ANO4: variants seen among roughly 807,000 people sequenced by gnomAD.
ANO4 encodes anoctamin-4.
ANO4 carries 69 observed loss-of-function variants against 141.9 expected under a neutral mutation model. The observed-to-expected ratio is 0.49, with a 90% CI of 0.40 to 0.59. The LOEUF is 0.59. Among genes scored for constraint, ANO4 ranks in the 20% least tolerant of loss-of-function variants. The probability of loss-of-function intolerance (pLI) is 0.00; values close to 1 mark genes in which losing one functional copy is unlikely to be tolerated. For synonymous variants in ANO4, 350 were observed against 394.3 expected (o/e 0.89, Z 1.33); for missense variants, 894 against 1,162.2 (o/e 0.77, Z 3.36).
chr12:101,033,271 A>G (rs1242811597), intron 9 of ANO4, among the ~76,000 whole-genome samples: 2 of 151,708 alleles, frequency 1.3e-5, no homozygotes, highest in Non-Finnish European at 2.9e-5. Context: ...GAACAATGAG[A>G]ACACATGGAC....
At chr12:100,998,102 G>A (rs2045470499) in intron 8 of ANO4, among the ~76,000 whole-genome samples, 1 of 152,206 alleles carries the variant, frequency 6.6e-6, no homozygotes, top group Non-Finnish European at 1.5e-5. Context: ...ATTTGAGTCA[G>A]TGGGCTGGGG....
rs151091453 is a variant in ANO4 at position 100,926,626 on chromosome 12, G to T, written c.160+4296G>T. Among the ~76,000 whole-genome samples, 189 of 152,052 alleles carry T rather than the reference G, an allele frequency of 1.2e-3. 6 individuals carry two copies. The East Asian group carries it at 0.031, about 25-fold the overall frequency. ...TTTGTGTGTGTGTGTGTGTGTGTGT[G>T]TGTTTGTTTCTTTTCGTTGATGTTA... On this transcript the variant is annotated intron_variant, in intron 3 of 27. Coordinates refer to ENST00000392977, the MANE Select transcript of ANO4 (RefSeq NM_001286615.2).
At chr12:100,815,819 T>C (rs150221173) in intron 1 of ANO4, among the ~76,000 whole-genome samples, 139 of 152,150 alleles carry the variant, frequency 9.1e-4, no homozygotes, top group Non-Finnish European at 1.6e-3. Context: ...AACATGAAAG[T>C]CTTTTGAGGA....
intron 1 of ANO4, among the ~76,000 whole-genome samples, chr12:100,841,369 A>T (rs2037236576): frequency 6.6e-6 from 1 of 152,190 alleles, no homozygotes; most frequent in African/African-American, 2.4e-5. Flanking sequence ...TTCATTGAGT[A>T]CCTGGTACGG....
At chr12:101,046,812 G>C (rs183381600) in intron 13 of ANO4, among the ~76,000 whole-genome samples, 1 of 152,320 alleles carries the variant, frequency 6.6e-6, no homozygotes, top group African/African-American at 2.4e-5. Context: ...TTTGAGCCAT[G>C]TGTCCCTTGG....
At position 100,762,609 on chromosome 12, in the gene ANO4, A is replaced by G. The variant is rs1218038629; in HGVS notation, c.358+22504A>G. 1.1e-4 allele frequency among the ~76,000 whole-genome samples: 17 copies of G among 152,314 alleles called. No homozygotes were observed. In the South Asian group the frequency reaches 3.5e-3, roughly 32 times the overall value. ...TGCTTACTTCCCTGGGGACAAGTGC[A>G]CATCTTCAACACTAGATGATACTGT... On this transcript the variant is annotated intron_variant, in intron 3 of 29. Transcript: ENST00000644049.
At chr12:100,938,188 T>G (rs1461159129) in intron 3 of ANO4, among the ~76,000 whole-genome samples, 2 of 152,250 alleles carry the variant, frequency 1.3e-5, no homozygotes, top group African/African-American at 2.4e-5. Context: ...CCTGGTCATC[T>G]CATCTACGTA....
chr12:100,795,680 T>G (rs542435245), intron 1 of ANO4, among the ~76,000 whole-genome samples: 2 of 152,280 alleles, frequency 1.3e-5, no homozygotes, highest in African/African-American at 4.8e-5. Flanking sequence ...GCAAACCATA[T>G]TTTACAGGCT....
At chr12:100,756,679 C>T (rs1461542628) in intron 3 of ANO4, among the ~76,000 whole-genome samples, 2 of 152,056 alleles carry the variant, frequency 1.3e-5, no homozygotes, top group African/African-American at 4.8e-5. Context: ...TTTTCTCTGA[C>T]TCTTTGGTGG....
chr12:100,847,086 C>A (rs1008088068), intron 1 of ANO4, among the ~76,000 whole-genome samples: 1 of 152,162 alleles, frequency 6.6e-6, no homozygotes, highest in African/African-American at 2.4e-5. Context: ...CAGCACTTTA[C>A]CCCATGTCCT....
intron 1 of ANO4, among the ~76,000 whole-genome samples, chr12:100,799,253 C>T (rs887441650): frequency 1.7e-4 from 26 of 152,036 alleles, no homozygotes; most frequent in African/African-American, 6.3e-4. Flanking sequence ...GACAATTGAC[C>T]CATATTAGAC....
At chr12:100,928,370 A>G (rs1480632122) in intron 3 of ANO4, among the ~76,000 whole-genome samples, 2 of 152,150 alleles carry the variant, frequency 1.3e-5, no homozygotes, top group Non-Finnish European at 2.9e-5. Context: ...TCAGGGGTGT[A>G]TAAGTGTTGA....
intron 14 of ANO4, among the ~76,000 whole-genome samples, chr12:101,054,295 T>C (rs2048005581): frequency 6.6e-6 from 1 of 152,208 alleles, no homozygotes; most frequent in African/African-American, 2.4e-5. Flanking sequence ...TTTGAGTATA[T>C]TAAATGTAAA....
rs536543351 is a variant in ANO4 at position 100,799,532 on chromosome 12, A to G, written c.-141+4505A>G. Among the ~76,000 whole-genome samples, 10 of 152,292 alleles carry G rather than the reference A, an allele frequency of 6.6e-5. No individual in the cohort carries two copies. In the East Asian group the frequency reaches 1.7e-3, roughly 27 times the overall value. ...GCCGAGGTGGGCAGATCATGAGGTC[A>G]AGAGATCGAGACCATCCTGGCCAAC... On this transcript the variant is annotated intron_variant, in intron 1 of 27. Coordinates refer to ENST00000392977, the MANE Select transcript of ANO4 (RefSeq NM_001286615.2).
intron 5 of ANO4, among the ~76,000 whole-genome samples, chr12:100,948,013 C>T (rs1327783920): frequency 6.6e-6 from 1 of 151,920 alleles, no homozygotes; most frequent in African/African-American, 2.4e-5. Flanking sequence ...GAAACCCTGT[C>T]TTTACTAAAA....
At chr12:100,987,428 G>A in intron 7 of ANO4, 111 bp from the exon 8 acceptor site, 1 of 1,320,814 alleles carries the variant, frequency 7.6e-7, no homozygotes, top group South Asian at 1.4e-5. Context: ...TGCAGTGAGA[G>A]GGCCTGGAAT....
intron 2 of ANO4, among the ~76,000 whole-genome samples, chr12:100,922,008 A>G (rs987147377): frequency 6.6e-6 from 1 of 151,860 alleles, no homozygotes; most frequent in Non-Finnish European, 1.5e-5. Flanking sequence ...CTTATTTTGC[A>G]TTGGAAATAC....
rs774763263 is a variant in ANO4, at chr12:101,128,457, GTACA to G, written c.*606_*609del. 1.4e-4 allele frequency: 21 copies of G among 152,598 alleles called. No individual in the cohort carries two copies. The highest frequency in any genetic ancestry group is 1.7e-4 in the African/African-American group (7 of 41,518). 9.5% of individuals were successfully genotyped at this position (152,598 alleles called of 1,614,324 possible). ...TGTATAGTCATGTATTCCTGCATAT[GTACA>G]TACAAATACAGAGATATATAAAGTA... On this transcript the variant is annotated 3_prime_UTR_variant, in exon 28 of 28. Transcript: ENST00000392977.
At chr12:101,098,306 A>G (rs1566245579) in intron 21 of ANO4, among the ~76,000 whole-genome samples, 1 of 152,146 alleles carries the variant, frequency 6.6e-6, no homozygotes, top group African/African-American at 2.4e-5. Flanking sequence ...TCCCATCCTC[A>G]TGGTAAGGCT....
Sources: allele counts gnomAD v4.1 joint callset (sites outside exome capture counted in the v4.1 genomes callset), GRCh38; gene constraint gnomAD v4.1.1; transcripts MANE v1.5; gene names NCBI Gene and HGNC (gene_info 2026-07-23, HGNC 2026-07-21).